Variants in MAT2B observed in about 807,000 individuals in gnomAD.
The protein encoded by MAT2B is methionine adenosyltransferase 2 non-catalytic beta subunit.
Under a neutral mutation model 36.1 loss-of-function variants are expected in MAT2B, and 16 were observed. The observed-to-expected ratio is 0.44, with a 90% CI of 0.30 to 0.67. The LOEUF is 0.67. MAT2B is among the 30% of genes least tolerant of loss of function. MAT2B has a pLI of 0.09. For missense variants in MAT2B, 332 were observed against 398.2 expected, an observed-to-expected ratio of 0.83 and a Z score of 1.42; for synonymous variants, 148 against 136.9, an observed-to-expected ratio of 1.08 and a Z score of -0.57.
rs1034231546 is a variant in MAT2B at position 163,513,595 on chromosome 5, A to T, written c.299A>T (p.Asp100Val). ...CATTGTGCAGCAGAGAGAAGACCAG[A>T]TGTTGTAGAAAATCAGCCAGATGCT... ...IVHCAAERRP[D>V]VVENQPDAAS... The change falls in exon 3 of 7, where the codon GAT (aspartate) becomes GTT (valine). Residue 100 changes from aspartate to valine, a missense_variant. Asp to Val is a radical substitution (Grantham distance 152). Coordinates refer to ENST00000321757, the MANE Select transcript of MAT2B (RefSeq NM_013283.5). 1.2e-6 allele frequency: 2 copies of T among 1,613,596 alleles called. No homozygotes were observed. Among genetic ancestry groups the T allele is most frequent in the African/African-American group, 2.7e-5 (2 of 74,914 alleles).
chr5:163,516,823 T>C, intron 5 of MAT2B, 112 bp downstream of exon 5: 2 of 1,109,666 alleles, frequency 1.8e-6, no homozygotes, highest in South Asian at 1.3e-5. Context: ...AAAGTGCTTT[T>C]TTAAAACTAG....
intron 1 of MAT2B, among the ~76,000 whole-genome samples, chr5:163,506,150 A>G (rs1759933721): frequency 6.6e-6 from 1 of 152,242 alleles, no homozygotes; most frequent in South Asian, 2.1e-4. Context: ...GTGACTTCTC[A>G]CAAATAACAG....
In MAT2B at chr5:163,505,625, C is replaced by T; in HGVS notation, c.-62C>T. 1.6e-6 allele frequency: 2 copies of T among 1,250,996 alleles called. No individual in the cohort carries two copies. Among genetic ancestry groups the T allele is most frequent in the Non-Finnish European group, 1.0e-6 (1 of 989,348 alleles). The allele number at this position is 1,250,996 out of a possible 1,614,324, so 77.5% of individuals were successfully genotyped here. On this transcript the variant is annotated 5_prime_UTR_variant, in exon 1 of 7. Coordinates refer to ENST00000321757, the MANE Select transcript of MAT2B (RefSeq NM_013283.5). ...GGCCGAGGGCGTCTGAGCTGAGGCCCGCGTCGATCCTGGGTTGGAGGAGGT... is the reference window on the plus strand; with the variant it reads ...GGCCGAGGGCGTCTGAGCTGAGGCCTGCGTCGATCCTGGGTTGGAGGAGGT...
At chr5:163,503,279 C>T (rs1759876647), upstream of MAT2B, 4 of 844,878 alleles carry the variant, frequency 4.7e-6, no homozygotes, top group Middle Eastern at 2.2e-4. Context: ...TGAAGCTGCT[C>T]CTCACGTTTT....
intron 4 of MAT2B, among the ~76,000 whole-genome samples, chr5:163,515,117 C>A (rs751590230): frequency 5.3e-5 from 8 of 152,272 alleles, no homozygotes; most frequent in Non-Finnish European, 1.2e-4. Context: ...AAACACCTCC[C>A]AAAATGCCCC....
At chr5:163,508,376 T>TACCTAAAATTACCTAGAAA in intron 1 of MAT2B, among the ~76,000 whole-genome samples, 1 of 151,900 alleles carries the variant, frequency 6.6e-6, no homozygotes, top group East Asian at 2.0e-4. Flanking sequence ...TAGCTGAGAT[T>TACCTAAAATTACCTAGAAA]ATAGGCGCCC....
chr5:163,516,894 T>C, intron 5 of MAT2B, 183 bp downstream of exon 5: 2 of 614,490 alleles, frequency 3.3e-6, no homozygotes, highest in Non-Finnish European at 2.9e-6. Context: ...AATATTATGC[T>C]CTTCTGTTTG....
At chr5:163,507,891 TC>T (rs1759971447) in intron 1 of MAT2B, among the ~76,000 whole-genome samples, 1 of 152,214 alleles carries the variant, frequency 6.6e-6, no homozygotes, top group East Asian at 1.9e-4. Flanking sequence ...TTCGGACTCC[TC>T]GTGGTAGGGA....
Position 163,505,720 on chromosome 5 carries a change from T to G in MAT2B, c.34T>G (p.Phe12Val). Residue 12 changes from phenylalanine to valine, a missense_variant, in exon 1 of 7, where the codon TTT becomes GTT. Physicochemically the swap from Phe to Val is conservative, Grantham distance 50. Transcript: ENST00000321757. Reference sequence around the variant, plus strand: ...GCGGGAGAAAGAGCTCTCTATACACTTTGTTCCCGGGAGCTGTCGGCTGGT... The same window carrying G: ...GCGGGAGAAAGAGCTCTCTATACACGTTGTTCCCGGGAGCTGTCGGCTGGT... ...VGREKELSIH[F>V]VPGSCRLVEE... 1 of 1,285,506 alleles carries G rather than the reference T, an allele frequency of 7.8e-7. No homozygotes were observed. The highest frequency in any genetic ancestry group is 2.9e-5 in the East Asian group (1 of 34,072). 79.6% of individuals were successfully genotyped at this position (1,285,506 alleles called of 1,614,324 possible). A position where few individuals can be genotyped will look rare whatever the true frequency, so the allele number is the denominator to read the frequency against.
chr5:163,508,147 T>C (rs1226868392), intron 1 of MAT2B, among the ~76,000 whole-genome samples: 2 of 152,244 alleles, frequency 1.3e-5, no homozygotes, highest in African/African-American at 4.8e-5. Context: ...AGGTTCTGGT[T>C]CCAGCTTTTT....
intron 5 of MAT2B, chr5:163,517,311 TTAAG>T (rs761204413): frequency 3.9e-6 from 1 of 253,578 alleles, no homozygotes; most frequent in Non-Finnish European, 7.6e-6. Context: ...TTCCCACTAA[TTAAG>T]TAAAATTGGA....
rs547236474 is a variant in MAT2B at position 163,506,220 on chromosome 5, G to A, written c.63+471G>A. ...CTCAGCACTATGTTATGCACTTGAC[G>A]GGCATTACTTTAATCCTCCACTGTG... On this transcript the variant is annotated intron_variant, in intron 1 of 6. Transcript: ENST00000321757. Among the ~76,000 whole-genome samples, 4 of 152,232 alleles carry A rather than the reference G, an allele frequency of 2.6e-5. No homozygotes were observed. In the South Asian group the frequency reaches 8.3e-4, roughly 32 times the overall value.
At chr5:163,507,527 C>T (rs964227217) in intron 1 of MAT2B, among the ~76,000 whole-genome samples, 4 of 152,136 alleles carry the variant, frequency 2.6e-5, no homozygotes, top group African/African-American at 9.7e-5. Context: ...TACTTTCCCC[C>T]ATATAATAAA....
intron 5 of MAT2B, chr5:163,517,283 T>C (rs1050657098): frequency 8.7e-6 from 2 of 228,602 alleles, no homozygotes; most frequent in African/African-American, 4.5e-5. Flanking sequence ...TCATAAAAAT[T>C]TGTAATGCTT....
In MAT2B at chr5:163,512,154, G is replaced by A. The variant is rs778177105; in HGVS notation, c.216G>A (p.Leu72=). ...RARPKFEQVN[L]LDSNAVHHII... ...GACCAAAATTTGAACAGGTTAATCT[G>A]TTGGATTCTAATGCAGTTCATCACA... The change falls in exon 2 of 7, where the codon CTG becomes CTA. Residue 72 remains leucine (L), a synonymous_variant. Coordinates refer to ENST00000321757, the MANE Select transcript of MAT2B (RefSeq NM_013283.5). 6.2e-7 allele frequency: 1 copy of A among 1,614,102 alleles called. No individual in the cohort carries two copies. Among genetic ancestry groups the A allele is most frequent in the East Asian group, 2.2e-5 (1 of 44,890 alleles).
At position 163,519,202 on chromosome 5, in the gene MAT2B, TCTAAA is replaced by T. The variant is rs774779262; in HGVS notation, c.*844_*848del. ...TTTTTTTAAATGTAAGGACCAAACT[TCTAAA>T]CTAATTGTTCTTTTGTTGCTTTAAT... On this transcript the variant is annotated 3_prime_UTR_variant, in exon 7 of 7. Transcript: ENST00000321757. The T allele has an allele frequency of 3.3e-5, 5 of 152,180 alleles. No individual in the cohort carries two copies. The highest frequency in any genetic ancestry group is 5.9e-5 in the Non-Finnish European group (4 of 68,018). The allele number at this position is 152,180 out of a possible 1,614,324, so 9.4% of individuals were successfully genotyped here.
At chr5:163,507,495 TA>T (rs1241412437) in intron 1 of MAT2B, among the ~76,000 whole-genome samples, 1 of 152,174 alleles carries the variant, frequency 6.6e-6, no homozygotes, top group Non-Finnish European at 1.5e-5. Flanking sequence ...ACGTTTAGAG[TA>T]ACTTAAACTG....
rs761124437 is a variant in MAT2B at position 163,518,350 on chromosome 5, C to T, written c.992C>T (p.Thr331Met). 4.7e-5 allele frequency: 76 copies of T among 1,605,156 alleles called. No individual in the cohort carries two copies. Among genetic ancestry groups the T allele is most frequent in the Non-Finnish European group, 5.6e-5 (66 of 1,176,952 alleles). ...PFLIDKRWRQ[T>M]VFH The stretch of plus-strand genomic sequence containing the variant: ...CTCATTGACAAGAGATGGAGACAAA[C>T]GGTCTTTCATTAGTTTATTTGTGTT... The change falls in exon 7 of 7, where the codon ACG (threonine) becomes ATG (methionine). Residue 331 changes from threonine to methionine, a missense_variant. Physicochemically the swap from Thr to Met is moderately conservative, Grantham distance 81. Coordinates refer to ENST00000321757, the MANE Select transcript of MAT2B (RefSeq NM_013283.5).
At chr5:163,503,505 C>A, upstream of MAT2B, 1 of 1,274,300 alleles carries the variant, frequency 7.8e-7, no homozygotes, top group East Asian at 2.3e-5. Flanking sequence ...CCTGCTAAAA[C>A]CAGAATTGTT....
Sources: gnomAD v4.1 joint callset for allele counts (sites outside exome capture counted in the v4.1 genomes callset) on GRCh38, gnomAD v4.1.1 for gene constraint, MANE v1.5 for transcripts, NCBI Gene and HGNC (gene_info 2026-07-23, HGNC 2026-07-21) for gene names.